Variants in PIGX observed in about 807,000 individuals in gnomAD.
PIGX encodes the protein phosphatidylinositol glycan anchor biosynthesis class X, also known as GPI alpha-1,4-mannosyltransferase I, stabilizing subunit.
Under a neutral mutation model 28.7 loss-of-function variants are expected in PIGX, and 24 were observed. That is an observed-to-expected ratio of 0.84 (90% CI 0.60 to 1.17). PIGX has a LOEUF of 1.17. Among genes scored for constraint, PIGX ranks in the 50% most tolerant of loss-of-function variants. PIGX has a pLI of 0.00. For synonymous variants in PIGX, 127 were observed against 121.0 expected, an observed-to-expected ratio of 1.05 and a Z score of -0.33; for missense variants, 305 against 317.8, an observed-to-expected ratio of 0.96 and a Z score of 0.31.
chr3:196,724,515 C>A (rs907685359), intron 3 of PIGX, among the ~76,000 whole-genome samples: 3 of 152,076 alleles, frequency 2.0e-5, no homozygotes, highest in Non-Finnish European at 2.9e-5. Flanking sequence ...AAATTCATAT[C>A]TTTGGATGGG....
intron 3 of PIGX, among the ~76,000 whole-genome samples, chr3:196,723,451 G>A (rs1473764980): frequency 6.6e-6 from 1 of 152,130 alleles, no homozygotes; most frequent in Non-Finnish European, 1.5e-5. Context: ...TAATGTTGTT[G>A]CCCTTGTTGG....
At chr3:196,731,123 T>C in intron 5 of PIGX, 31 bp downstream of exon 5, 1 of 1,167,120 alleles carries the variant, frequency 8.6e-7, no homozygotes, top group Non-Finnish European at 1.3e-6. Context: ...GTTTTTTAGA[T>C]CATGTGCCTC....
rs1392997602 is a variant in PIGX, at chr3:196,732,268, T to TA, written c.633+1176_633+1177insA. Among the ~76,000 whole-genome samples the TA allele has an allele frequency of 4.1e-3, 161 of 39,714 alleles. 9 individuals carry two copies. The highest frequency in any genetic ancestry group is 0.014 in the African/African-American group (136 of 9,570). The allele number at this position is 39,714 out of a possible 152,430, so 26.1% of individuals were successfully genotyped here. ...TATATATATATATATTTTATTTTAT[T>TA]TTATTTTTTTTTTTATTTTATTTTT... is the stretch of plus-strand genomic sequence containing the variant. On this transcript the variant is annotated intron_variant, in intron 5 of 5. Coordinates refer to ENST00000392391, the MANE Select transcript of PIGX (RefSeq NM_017861.4).
intron 3 of PIGX, among the ~76,000 whole-genome samples, chr3:196,723,122 G>A (rs74770691): frequency 0.031 from 4,746 of 152,180 alleles, 225 homozygotes; most frequent in African/African-American, 0.11. Context: ...CAGGCAGATT[G>A]CCTGAGCTTG....
Position 196,727,349 on chromosome 3 carries a change from A to G in PIGX, c.319-574A>G, listed in dbSNP as rs565565878. Among the ~76,000 whole-genome samples, 5 of 152,328 alleles carry G rather than the reference A, an allele frequency of 3.3e-5. No individual in the cohort carries two copies. In the East Asian group the frequency reaches 7.7e-4, roughly 23 times the overall value. On this transcript the variant is annotated intron_variant, in intron 3 of 5. Coordinates refer to ENST00000392391, the MANE Select transcript of PIGX (RefSeq NM_017861.4). ...TTGGTGTAGAATACTATACTTTTCT[A>G]TAAAATAGTTTTTACCATATTATTT...
At chr3:196,714,353 A>G (rs1711995651) in intron 1 of PIGX, among the ~76,000 whole-genome samples, 1 of 152,096 alleles carries the variant, frequency 6.6e-6, no homozygotes, top group South Asian at 2.1e-4. Flanking sequence ...AATCCTAGCT[A>G]CTTGGGAGGC....
Position 196,735,294 on chromosome 3 carries a change from C to CAAAAAAAAAAAAAA in PIGX, c.*1409_*1422dup, listed in dbSNP as rs60317348. On this transcript the variant is annotated 3_prime_UTR_variant, in exon 6 of 6. Transcript: ENST00000392391. ...TGGGCGACAGAGTGAGACTCTGTCTCAAAAAAAAAAAAAAAAAAAAAAAAA... is the reference window on the plus strand; with the variant it reads ...TGGGCGACAGAGTGAGACTCTGTCTCAAAAAAAAAAAAAAAAAAAAAAAAAAAAAAAAAAAAAAA... The CAAAAAAAAAAAAAA allele has an allele frequency of 1.4e-3, 65 of 45,232 alleles. 7 individuals carry two copies. In the East Asian group the frequency reaches 0.026, roughly 18 times the overall value. The allele number at this position is 45,232 out of a possible 1,614,324, so 2.8% of individuals were successfully genotyped here. A position where few individuals can be genotyped will look rare whatever the true frequency, so the allele number is the denominator to read the frequency against.
Position 196,716,734 on chromosome 3 carries a change from T to C in PIGX, c.113-124T>C, listed in dbSNP as rs1389017400. ...AAATTGCTTAAATTTTAAAAGGTTT[T>C]GTTTTTAGGTTGGTTAGATTTTCTA... On this transcript the variant is annotated intron_variant, in intron 1 of 5. Transcript: ENST00000392391. The C allele has an allele frequency of 7.4e-6, 3 of 405,680 alleles. No individual in the cohort carries two copies. The South Asian group carries it at 1.9e-4, about 25-fold the overall frequency. The allele number at this position is 405,680 out of a possible 1,614,324, so 25.1% of individuals were successfully genotyped here.
At chr3:196,718,854 G>T (rs1313017496) in intron 2 of PIGX, among the ~76,000 whole-genome samples, 2 of 152,194 alleles carry the variant, frequency 1.3e-5, no homozygotes, top group East Asian at 3.9e-4. Context: ...CTACATTTAG[G>T]ATTGTTCTTG....
chr3:196,727,954 A>C lies in PIGX; in HGVS notation c.350A>C (p.Glu117Ala). ...ATGGTTTCAGAAAATTTTGATATAG[A>C]GGCCCCTAACTATTTGTCCAAGGAG... Residue 117 changes from glutamate (E) to alanine (A), a missense_variant, in exon 4 of 6, where the codon GAG becomes GCG. Coordinates refer to ENST00000392391, the MANE Select transcript of PIGX (RefSeq NM_017861.4). 1.2e-6 allele frequency: 2 copies of C among 1,612,136 alleles called. No individual in the cohort carries two copies. Among genetic ancestry groups the C allele is most frequent in the Non-Finnish European group, 1.7e-6 (2 of 1,178,452 alleles).
chr3:196,723,432 G>A (rs1400111922), intron 3 of PIGX, among the ~76,000 whole-genome samples: 2 of 152,156 alleles, frequency 1.3e-5, no homozygotes, highest in African/African-American at 4.8e-5. Flanking sequence ...ATCCAAGATT[G>A]TCTAGTTGTA....
intron 5 of PIGX, among the ~76,000 whole-genome samples, chr3:196,731,389 G>A (rs1466036797): frequency 6.6e-6 from 1 of 152,176 alleles, no homozygotes; most frequent in Non-Finnish European, 1.5e-5. Flanking sequence ...TGTTGGCCAG[G>A]CTGGTCTCAA....
At chr3:196,732,014 C>T (rs750082541) in intron 5 of PIGX, among the ~76,000 whole-genome samples, 9 of 149,438 alleles carry the variant, frequency 6.0e-5, no homozygotes, top group South Asian at 2.1e-4. Context: ...TTAGTAGAGA[C>T]GGGGTTTCAC....
In PIGX at chr3:196,734,692, AAATT is replaced by A. The variant is rs1214261039; in HGVS notation, c.*794_*797del. The stretch of plus-strand genomic sequence containing the variant: ...AAATCATTAAAGTAGGACAGCTAAG[AAATT>A]AATATTAATATCAAAATTATTGATA... On this transcript the variant is annotated 3_prime_UTR_variant, in exon 6 of 6. Coordinates refer to ENST00000392391, the MANE Select transcript of PIGX (RefSeq NM_017861.4). 1 of 152,246 alleles carries A rather than the reference AAATT, an allele frequency of 6.6e-6. No individual in the cohort carries two copies. The highest frequency in any genetic ancestry group is 1.5e-5 in the Non-Finnish European group (1 of 68,048). The allele number at this position is 152,246 out of a possible 1,614,324, so 9.4% of individuals were successfully genotyped here. A position where few individuals can be genotyped will look rare whatever the true frequency, so the allele number is the denominator to read the frequency against.
chr3:196,732,261 ATTTTATTTTATTTTTTT>A (rs1712828567), intron 5 of PIGX, among the ~76,000 whole-genome samples: 2 of 20,902 alleles, frequency 9.6e-5, no homozygotes, highest in Non-Finnish European at 1.8e-4. Flanking sequence ...TATATATTTT[ATTTTATTTTATTTTTTT>A]TTTTATTTTA....
chr3:196,735,824 G>A lies in PIGX; in HGVS notation c.*1922G>A, dbSNP rs1047173785. 1.3e-5 allele frequency: 2 copies of A among 152,110 alleles called. No individual in the cohort carries two copies. The highest frequency in any genetic ancestry group is 2.1e-4 in the South Asian group (1 of 4,832). 9.4% of individuals were successfully genotyped at this position (152,110 alleles called of 1,614,324 possible). On this transcript the variant is annotated 3_prime_UTR_variant, in exon 6 of 6. Coordinates refer to ENST00000392391, the MANE Select transcript of PIGX (RefSeq NM_017861.4). ...ATATGGTTAGACGGGGAGGGAACACGGTACTGTTTAACATCTTAAGAGTAT... is the reference window on the plus strand; with the variant it reads ...ATATGGTTAGACGGGGAGGGAACACAGTACTGTTTAACATCTTAAGAGTAT...
At chr3:196,728,313 G>A (rs1712608808) in intron 4 of PIGX, 177 bp downstream of exon 4, 1 of 598,690 alleles carries the variant, frequency 1.7e-6, no homozygotes, top group Non-Finnish European at 3.0e-6. Context: ...AGATTTTTAT[G>A]TGTGTGCTTT....
At chr3:196,730,123 T>C (rs2108687724) in intron 4 of PIGX, among the ~76,000 whole-genome samples, 1 of 152,132 alleles carries the variant, frequency 6.6e-6, no homozygotes. Context: ...GATGGGAAGT[T>C]TTTAATACTA....
chr3:196,730,919 T>G, intron 4 of PIGX, 73 bp from the exon 5 acceptor site: 8 of 801,778 alleles, frequency 1.0e-5, no homozygotes, highest in African/African-American at 1.7e-5. Context: ...TTCTGTCTAT[T>G]GAGGTTTAAT....
Sources: gnomAD v4.1 joint callset for allele counts (sites outside exome capture counted in the v4.1 genomes callset) on GRCh38, gnomAD v4.1.1 for gene constraint, MANE v1.5 for transcripts, NCBI Gene and HGNC (gene_info 2026-07-23, HGNC 2026-07-21) for gene names.